The following MTCL2 variants were observed in gnomAD, a reference collection of about 807,000 sequenced individuals.
The protein encoded by MTCL2 is microtubule cross-linking factor 2.
the MTCL2 span, among the ~76,000 whole-genome samples, chr20:36,805,218 C>G: frequency 6.6e-6 from 1 of 152,190 alleles, no homozygotes; most frequent in Non-Finnish European, 1.5e-5. Context: ...GGGTCCTTCT[C>G]CTCACTCAGG....
At chr20:36,794,998 G>C in the MTCL2 span, among the ~76,000 whole-genome samples, 1 of 151,760 alleles carries the variant, frequency 6.6e-6, no homozygotes, top group Non-Finnish European at 1.5e-5. This position sits in a 1 kb window ranked among gnomAD's most constrained non-coding sequence, Gnocchi z 5.4. Context: ...GAGTGCAGTG[G>C]CATGATCTCG....
the MTCL2 span, chr20:36,839,275 G>A: frequency 2.5e-6 from 4 of 1,611,024 alleles, no homozygotes; most frequent in South Asian, 4.4e-5. This position sits in a 1 kb window ranked among gnomAD's most constrained non-coding sequence, Gnocchi z 5.1. Context: ...GGTCTGGGCG[G>A]CACGGAGACT....
the MTCL2 span, among the ~76,000 whole-genome samples, chr20:36,843,395 T>C: frequency 2.6e-5 from 4 of 152,122 alleles, no homozygotes; most frequent in African/African-American, 4.8e-5. Flanking sequence ...TCGGTTTGAC[T>C]CCTGGGGCTG....
At chr20:36,812,538 T>G in the MTCL2 span, among the ~76,000 whole-genome samples, 1 of 152,206 alleles carries the variant, frequency 6.6e-6, no homozygotes, top group Non-Finnish European at 1.5e-5. Flanking sequence ...TGTCCCAAAC[T>G]TCCTTATTTC....
At chr20:36,797,629 C>T in the MTCL2 span, 2 of 1,498,212 alleles carry the variant, frequency 1.3e-6, no homozygotes, top group Non-Finnish European at 1.8e-6. Context: ...ATGCAGGACC[C>T]TGCTCTAAGC....
the MTCL2 span, among the ~76,000 whole-genome samples, chr20:36,837,172 C>A: frequency 6.6e-6 from 1 of 152,198 alleles, no homozygotes; most frequent in South Asian, 2.1e-4. Flanking sequence ...AGAAGTCACC[C>A]CTGCAGGAAG....
the MTCL2 span, chr20:36,777,571 A>C: frequency 2.4e-6 from 1 of 422,486 alleles, no homozygotes; most frequent in Non-Finnish European, 4.2e-6. Flanking sequence ...ATTGGACTGC[A>C]GTTGTCCTAG....
At chr20:36,862,934 C>T in the MTCL2 span, 4 of 1,382,014 alleles carry the variant, frequency 2.9e-6, no homozygotes, top group Non-Finnish European at 3.8e-6. Flanking sequence ...TCAGCGCCAG[C>T]TCCAGGCCCA....
chr20:36,841,874 G>GGGGTGTGTGTGTGTGTGT, the MTCL2 span, among the ~76,000 whole-genome samples: 149 of 110,858 alleles, frequency 1.3e-3, no homozygotes, highest in African/African-American at 4.2e-3. Context: ...TGGGGGGTGG[G>GGGGTGTGTGTGTGTGTGT]GTGTGTGTGT....
At chr20:36,786,176 G>A in the MTCL2 span, 10 of 1,031,514 alleles carry the variant, frequency 9.7e-6, no homozygotes, top group Non-Finnish European at 1.0e-5. Context: ...ACCAGGCAAG[G>A]CTCTCTCTTA....
At chr20:36,787,641 A>G in the MTCL2 span, among the ~76,000 whole-genome samples, 2 of 152,014 alleles carry the variant, frequency 1.3e-5, no homozygotes, top group Non-Finnish European at 2.9e-5. Context: ...TAATCCTAGC[A>G]CTTTGGGAGG....
the MTCL2 span, among the ~76,000 whole-genome samples, chr20:36,824,208 AAC>A: frequency 6.6e-6 from 1 of 152,218 alleles, no homozygotes; most frequent in Non-Finnish European, 1.5e-5. Flanking sequence ...CAAGAGAACT[AAC>A]ACAGAATCTC....
the MTCL2 span, chr20:36,794,365 C>T: frequency 6.2e-7 from 1 of 1,609,728 alleles, no homozygotes; most frequent in Non-Finnish European, 8.5e-7. The surrounding 1 kb of genome is among the most constrained non-coding windows in gnomAD (Gnocchi z 5.4). Context: ...TGTAGCTGCG[C>T]TGCATCTGCC....
At chr20:36,834,793 G>A in the MTCL2 span, among the ~76,000 whole-genome samples, 1 of 152,108 alleles carries the variant, frequency 6.6e-6, no homozygotes, top group African/African-American at 2.4e-5. Flanking sequence ...CCTGAGGTCA[G>A]GAGTTAGAGA....
At chr20:36,815,173 G>T in the MTCL2 span, 3 of 1,612,744 alleles carry the variant, frequency 1.9e-6, no homozygotes, top group African/African-American at 4.0e-5. This position sits in a 1 kb window ranked among gnomAD's most constrained non-coding sequence, Gnocchi z 5.3. Context: ...TCCTTAGAGA[G>T]CCCCTGGGAG....
chr20:36,825,198 C>T, the MTCL2 span, among the ~76,000 whole-genome samples: 1 of 152,312 alleles, frequency 6.6e-6, no homozygotes, highest in South Asian at 2.1e-4. Context: ...CCGCCTTGGC[C>T]TCCCAAAGTG....
the MTCL2 span, among the ~76,000 whole-genome samples, chr20:36,796,442 C>G: frequency 6.6e-6 from 1 of 152,184 alleles, no homozygotes; most frequent in East Asian, 1.9e-4. Flanking sequence ...ACAGTGGAGA[C>G]GTGGTCCTTA....
At chr20:36,835,623 C>T in the MTCL2 span, among the ~76,000 whole-genome samples, 2 of 152,124 alleles carry the variant, frequency 1.3e-5, no homozygotes, top group Non-Finnish European at 2.9e-5. Flanking sequence ...CTTCCCAAAA[C>T]CCCCCAGAAC....
chr20:36,789,538 G>A, the MTCL2 span, among the ~76,000 whole-genome samples: 1 of 152,106 alleles, frequency 6.6e-6, no homozygotes, highest in South Asian at 2.1e-4. Context: ...GCATGTGCCT[G>A]TAATCCCAGC....
Sources: gnomAD v4.1 joint callset for allele counts (sites outside exome capture counted in the v4.1 genomes callset) on GRCh38, gnomAD v4.1.1 for gene constraint, Gnocchi (gnomAD v3.1) non-coding constraint, MANE v1.5 for transcripts, NCBI Gene and HGNC (gene_info 2026-07-23, HGNC 2026-07-21) for gene names.